Variants in PLEKHH2 observed in about 807,000 individuals in gnomAD.
PLEKHH2 encodes pleckstrin homology, MyTH4 and FERM domain containing H2, also known as pleckstrin homology domain-containing family H member 2.
A neutral mutation model predicts 187.9 loss-of-function variants in PLEKHH2; 129 were observed. The ratio of observed to expected loss-of-function variants is 0.69; its 90% CI spans 0.59 to 0.79. PLEKHH2 has a LOEUF of 0.79. Among genes scored for constraint, PLEKHH2 ranks in the 30% least tolerant of loss-of-function variants. PLEKHH2 has a pLI of 0.00. For synonymous variants in PLEKHH2, 686 were observed against 605.6 expected, an observed-to-expected ratio of 1.13 and a Z score of -1.95; for missense variants, 2,076 against 1,751.2, an observed-to-expected ratio of 1.19 and a Z score of -3.31.
intron 2 of PLEKHH2, among the ~76,000 whole-genome samples, chr2:43,656,875 C>T (rs1256406174): frequency 5.9e-5 from 9 of 152,022 alleles, no homozygotes; most frequent in African/African-American, 1.9e-4. Context: ...AAAAATTAGC[C>T]AGGCATGGTG....
At chr2:43,720,161 A>T (rs1670413385) in intron 15 of PLEKHH2, among the ~76,000 whole-genome samples, 1 of 152,100 alleles carries the variant, frequency 6.6e-6, no homozygotes, top group Non-Finnish European at 1.5e-5. Flanking sequence ...TCCCTTCTTT[A>T]TCCATCTGTG....
chr2:43,736,262 A>G lies in PLEKHH2; in HGVS notation c.2944-2079A>G, dbSNP rs1671287748. 2.0e-5 allele frequency among the ~76,000 whole-genome samples: 3 copies of G among 152,236 alleles called. No individual in the cohort carries two copies. In the South Asian group the frequency reaches 6.2e-4, roughly 31 times the overall value. On this transcript the variant is annotated intron_variant, in intron 19 of 29. Transcript: ENST00000282406. ...AACAAACGCTTTTATGTGTGCAAGC[A>G]ACAACCAGTTAGAAGATAAAAAGGA...
At position 43,701,589 on chromosome 2, in the gene PLEKHH2, A is replaced by AT. The variant is rs201370804; in HGVS notation, c.1650+985dup. On this transcript the variant is annotated intron_variant, in intron 8 of 29. Coordinates refer to ENST00000282406, the MANE Select transcript of PLEKHH2 (RefSeq NM_172069.4). ...TTTGATTGGCTTTAAGATAAATTTA[A>AT]TTTTCTTTTTGAGCTTATATAGCCA... 8.3e-3 allele frequency among the ~76,000 whole-genome samples: 1,263 copies of AT among 151,828 alleles called. 21 individuals are homozygous for AT. Among genetic ancestry groups the AT allele is most frequent in the African/African-American group, 0.029 (1,218 of 41,368 alleles).
intron 3 of PLEKHH2, 29 bp from the exon 4 acceptor site, chr2:43,692,480 CACACA>C (rs1360069725): frequency 6.6e-7 from 1 of 1,508,532 alleles, no homozygotes; most frequent in Non-Finnish European, 9.1e-7. Flanking sequence ...CCTGAGTACA[CACACA>C]ATTTTAATAT....
chr2:43,706,172 T>C, intron 9 of PLEKHH2, 150 bp from the exon 10 acceptor site: 1 of 651,244 alleles, frequency 1.5e-6, no homozygotes, highest in Non-Finnish European at 2.7e-6. Flanking sequence ...GTAAATGCCA[T>C]AATCTGTAAA....
intron 14 of PLEKHH2, 78 bp downstream of exon 14, chr2:43,710,653 G>C (rs1669918966): frequency 6.7e-7 from 1 of 1,485,366 alleles, no homozygotes; most frequent in Middle Eastern, 2.5e-4. Flanking sequence ...CTAATGGAAA[G>C]GAGATAGGAT....
intron 17 of PLEKHH2, 87 bp from the exon 18 acceptor site, chr2:43,729,550 A>C (rs1670935661): frequency 1.2e-6 from 1 of 842,368 alleles, no homozygotes. Flanking sequence ...TTTCCATCTC[A>C]AAGTTTTCTA....
At chr2:43,748,705 C>G (rs556032649) in intron 24 of PLEKHH2, among the ~76,000 whole-genome samples, 9 of 152,238 alleles carry the variant, frequency 5.9e-5, no homozygotes, top group African/African-American at 2.2e-4. Flanking sequence ...GTGGAAGGAG[C>G]CAGCTCCTGG....
intron 17 of PLEKHH2, among the ~76,000 whole-genome samples, chr2:43,728,433 G>A (rs572728832): frequency 5.5e-4 from 78 of 141,394 alleles, no homozygotes; most frequent in Non-Finnish European, 8.8e-4. Flanking sequence ...AATCGAGATC[G>A]CGCCATTGCA....
intron 16 of PLEKHH2, among the ~76,000 whole-genome samples, chr2:43,725,532 G>C (rs2568249): frequency 2.6e-5 from 4 of 152,170 alleles, no homozygotes; most frequent in Non-Finnish European, 4.4e-5. Context: ...CCTGGGGTTA[G>C]AAAAGGAGCT....
At chr2:43,716,241 A>G (rs965833552) in intron 15 of PLEKHH2, among the ~76,000 whole-genome samples, 1 of 152,140 alleles carries the variant, frequency 6.6e-6, no homozygotes, top group African/African-American at 2.4e-5. Context: ...TTAAAGACAA[A>G]GTCCAGAAGA....
chr2:43,744,031 C>T lies in PLEKHH2; in HGVS notation c.3555+42C>T, dbSNP rs143541407. ...TTCAGGAGCCAAGCCCAACGAACAGCAAAGAAGCTACTCTTTACAAGAAGA... is the reference window on the plus strand; with the variant it reads ...TTCAGGAGCCAAGCCCAACGAACAGTAAAGAAGCTACTCTTTACAAGAAGA... On this transcript the variant is annotated intron_variant, in intron 23 of 29. Transcript: ENST00000282406. 231 of 1,586,234 alleles carry T rather than the reference C, an allele frequency of 1.5e-4. No homozygotes were observed. The African/African-American group carries it at 2.7e-3, about 19-fold the overall frequency.
intron 16 of PLEKHH2, among the ~76,000 whole-genome samples, chr2:43,725,248 G>C (rs1461988351): frequency 6.6e-6 from 1 of 152,128 alleles, no homozygotes; most frequent in Non-Finnish European, 1.5e-5. Flanking sequence ...GCTTATCTGG[G>C]AGGGAGAGTT....
At chr2:43,706,667 G>A (rs1288774100) in intron 10 of PLEKHH2, among the ~76,000 whole-genome samples, 1 of 152,120 alleles carries the variant, frequency 6.6e-6, no homozygotes, top group Non-Finnish European at 1.5e-5. Context: ...CCTCCCCATG[G>A]CCATGAATTG....
At chr2:43,743,768 C>A in intron 22 of PLEKHH2, 66 bp from the exon 23 acceptor site, 1 of 1,407,904 alleles carries the variant, frequency 7.1e-7, no homozygotes, top group Non-Finnish European at 9.7e-7. Flanking sequence ...TCTGTTTCAT[C>A]CTTAAAATCT....
chr2:43,678,887 A>G lies in PLEKHH2; in HGVS notation c.148A>G (p.Ile50Val), dbSNP rs1049789324. The G allele has an allele frequency of 3.7e-6, 6 of 1,607,406 alleles. No homozygotes were observed. The Admixed American group carries it at 8.3e-5, about 22-fold the overall frequency. The change falls in exon 3 of 30, where the codon ATT (isoleucine) becomes GTT (valine). Residue 50 changes from isoleucine (I) to valine (V), a missense_variant. By Grantham distance (29) the Ile-to-Val change is conservative. Coordinates refer to ENST00000282406, the MANE Select transcript of PLEKHH2 (RefSeq NM_172069.4). ...GATGCAACAGCTTGAGAGACAAGTT[A>G]TTGATGCTGAACGTCAAGCAGAAAA... ...EKMQQLERQV[I>V]DAERQAEKAF...
At position 43,742,838 on chromosome 2, in the gene PLEKHH2, C is replaced by T; in HGVS notation, c.3319C>T (p.Leu1107Phe). The change falls in exon 22 of 30, where the codon CTT (leucine) becomes TTT (phenylalanine). Residue 1107 changes from leucine (L) to phenylalanine (F), a missense_variant. Physicochemically the swap from Leu to Phe is conservative, Grantham distance 22 (BLOSUM62 0). Transcript: ENST00000282406. ...REARPSRMEI[L>F]STLLRNPYHH... ...AGCAAGACCCTCAAGGATGGAAATTCTTTCAACTCTTCTCCGAAACCCTTA... is the reference window on the plus strand; with the variant it reads ...AGCAAGACCCTCAAGGATGGAAATTTTTTCAACTCTTCTCCGAAACCCTTA... The T allele has an allele frequency of 6.2e-7, 1 of 1,609,714 alleles. No homozygotes were observed. The highest frequency in any genetic ancestry group is 2.2e-5 in the East Asian group (1 of 44,512).
chr2:43,720,819 CTCTCT>C lies in PLEKHH2; in HGVS notation c.2541+77_2541+81del, dbSNP rs1670444493. ...TGTTAGGGCTTAAACTTTTCCTTTT[CTCTCT>C]TCTCTTACTTTGTAAAACTTCAGAA... On this transcript the variant is annotated intron_variant, in intron 16 of 29. Coordinates refer to ENST00000282406, the MANE Select transcript of PLEKHH2 (RefSeq NM_172069.4). 1.4e-5 allele frequency: 21 copies of C among 1,520,454 alleles called. No homozygotes were observed. The South Asian group carries it at 2.3e-4, about 17-fold the overall frequency. The allele number at this position is 1,520,454 out of a possible 1,614,324, so 94.2% of individuals were successfully genotyped here.
intron 28 of PLEKHH2, among the ~76,000 whole-genome samples, chr2:43,763,091 C>G (rs1160656969): frequency 6.6e-6 from 1 of 151,990 alleles, no homozygotes; most frequent in Admixed American, 6.5e-5. Context: ...GCTTAAAAAA[C>G]AAACACACAC....
Sources: gnomAD v4.1 joint callset for allele counts (sites outside exome capture counted in the v4.1 genomes callset) on GRCh38, gnomAD v4.1.1 for gene constraint, MANE v1.5 for transcripts, NCBI Gene and HGNC (gene_info 2026-07-23, HGNC 2026-07-21) for gene names.